The following PKP2 variants were observed in gnomAD, a reference collection of about 807,000 sequenced individuals.
PKP2 encodes plakophilin-2.
In PKP2, 73 loss-of-function variants were observed where a neutral mutation model predicts 83.4. The observed-to-expected ratio is 0.88, with a 90% confidence interval of 0.72 to 1.06. The LOEUF is 1.06. Ranked by LOEUF, PKP2 falls within the 50% of genes least tolerant of loss-of-function variation. PKP2 has a pLI of 0.00. For missense variants in PKP2, 966 were observed against 1,065.4 expected, an observed-to-expected ratio of 0.91 and a Z score of 1.30; for synonymous variants, 409 against 430.4, an observed-to-expected ratio of 0.95 and a Z score of 0.62.
intron 3 of PKP2, among the ~76,000 whole-genome samples, chr12:32,877,575 G>A (rs1027919507): frequency 6.6e-6 from 1 of 152,148 alleles, no homozygotes; most frequent in African/African-American, 2.4e-5. Context: ...CTGAGGGGTA[G>A]GGTCCCTTCA....
At chr12:32,835,046 ATTTCTTTTTTTT>A (rs1427260919) in intron 6 of PKP2, among the ~76,000 whole-genome samples, 1 of 142,908 alleles carries the variant, frequency 7.0e-6, no homozygotes, top group East Asian at 2.0e-4. Context: ...GAAGACAGCC[ATTTCTTTTTTTT>A]TTTCTTTTTT....
At chr12:32,885,847 G>A (rs1237321254) in intron 1 of PKP2, among the ~76,000 whole-genome samples, 1 of 152,162 alleles carries the variant, frequency 6.6e-6, no homozygotes, top group Non-Finnish European at 1.5e-5. Context: ...GTAAGCAAAT[G>A]ACAGAGAACT....
chr12:32,809,571 C>T (rs898130292), intron 9 of PKP2, among the ~76,000 whole-genome samples: 2 of 152,192 alleles, frequency 1.3e-5, no homozygotes, highest in Admixed American at 6.5e-5. Flanking sequence ...GATTCAGCCC[C>T]CTTCCTAGGG....
intron 5 of PKP2, chr12:32,843,341 T>A (rs749524107): frequency 7.3e-7 from 1 of 1,363,660 alleles, no homozygotes; most frequent in Non-Finnish European, 9.8e-7. Flanking sequence ...GAAGCATAGG[T>A]ACTCAGGGCA....
At chr12:32,828,118 C>T (rs1002570302) in intron 6 of PKP2, among the ~76,000 whole-genome samples, 13 of 152,144 alleles carry the variant, frequency 8.5e-5, no homozygotes, top group African/African-American at 2.9e-4. Context: ...TGCTTGATAT[C>T]GGGAAGAATC....
At chr12:32,885,348 T>C (rs1041560996) in intron 1 of PKP2, among the ~76,000 whole-genome samples, 3 of 152,196 alleles carry the variant, frequency 2.0e-5, no homozygotes, top group Non-Finnish European at 4.4e-5. Flanking sequence ...AATGAATTAT[T>C]GTCAGGGTTA....
chr12:32,870,436 C>G (rs1465701091), intron 3 of PKP2, among the ~76,000 whole-genome samples: 2 of 151,892 alleles, frequency 1.3e-5, no homozygotes, highest in African/African-American at 4.8e-5. Context: ...AAAAGTGAAG[C>G]AGAAAATCTC....
chr12:32,821,809 G>T, intron 8 of PKP2: 1 of 392,020 alleles, frequency 2.6e-6, no homozygotes, highest in South Asian at 2.4e-5. Context: ...TTCTAGAATG[G>T]TTTTCAGGCT....
At chr12:32,888,271 A>G (rs1392679250) in intron 1 of PKP2, among the ~76,000 whole-genome samples, 2 of 152,184 alleles carry the variant, frequency 1.3e-5, no homozygotes, top group Non-Finnish European at 2.9e-5. Context: ...AGACTTTAAG[A>G]CTTGTAAGAC....
At chr12:32,855,773 CAAAAAAA>C (rs11431590) in intron 4 of PKP2, among the ~76,000 whole-genome samples, 1 of 46,864 alleles carries the variant, frequency 2.1e-5, no homozygotes, top group African/African-American at 1.1e-4. Context: ...GACTCCATCT[CAAAAAAA>C]AAAAAAAAAA....
In PKP2 at chr12:32,796,269, T is replaced by C. The variant is rs749907181; in HGVS notation, c.2197A>G (p.Ile733Val). 1 of 1,612,596 alleles carries C rather than the reference T, an allele frequency of 6.2e-7. No individual in the cohort carries two copies. Among genetic ancestry groups the C allele is most frequent in the Non-Finnish European group, 8.5e-7 (1 of 1,179,706 alleles). The change falls in exon 11 of 13, where the codon ATC becomes GTC. Residue 733 changes from isoleucine to valine, a missense_variant. By Grantham distance (29) the Ile-to-Val change is conservative. Coordinates refer to ENST00000340811, the MANE Select transcript of PKP2 (RefSeq NM_001005242.3). ...AKETLPDLVSIIPDTVPSTDL... is the reference protein window; with the variant it reads ...AKETLPDLVSVIPDTVPSTDL... ...GTACTCGGGACTGTGTCAGGAATGA[T>C]GGAAACCAAATCAGGGAGAGTTTCT... is the stretch of plus-strand genomic sequence containing the variant.
intron 9 of PKP2, among the ~76,000 whole-genome samples, chr12:32,807,407 G>T (rs1346008394): frequency 6.6e-6 from 1 of 151,854 alleles, no homozygotes; most frequent in African/African-American, 2.4e-5. Context: ...TCTTTATTTT[G>T]AGCCTAAGTG....
At chr12:32,857,725 T>G (rs1956761935) in intron 4 of PKP2, among the ~76,000 whole-genome samples, 2 of 152,068 alleles carry the variant, frequency 1.3e-5, no homozygotes, top group Non-Finnish European at 1.5e-5. Flanking sequence ...TTCATCATTC[T>G]CAAAACCAGT....
At chr12:32,884,473 C>G (rs183270803) in intron 1 of PKP2, among the ~76,000 whole-genome samples, 2 of 152,046 alleles carry the variant, frequency 1.3e-5, no homozygotes, top group Non-Finnish European at 2.9e-5. Flanking sequence ...AATAAATATA[C>G]AGTCTTCCCT....
chr12:32,822,562 A>T lies in PKP2; in HGVS notation c.1744T>A (p.Tyr582Asn), dbSNP rs794729112. The T allele has an allele frequency of 1.9e-6, 3 of 1,614,120 alleles. No individual in the cohort carries two copies. Among genetic ancestry groups the T allele is most frequent in the Non-Finnish European group, 2.5e-6 (3 of 1,179,980 alleles). Residue 582 changes from tyrosine to asparagine, a missense_variant, in exon 8 of 13, where the codon TAT becomes AAT. Transcript: ENST00000340811. ...TTTTGAATATAGATATTCTGGGAAT[A>T]TTTCTCTGGGAGCTCTGCCTCCAGC... Reference protein sequence around the residue: ...YQLEAELPEKYSQNIYIQNRN... With the variant: ...YQLEAELPEKNSQNIYIQNRN...
At chr12:32,867,979 T>A (rs538630639) in intron 4 of PKP2, among the ~76,000 whole-genome samples, 1 of 152,258 alleles carries the variant, frequency 6.6e-6, no homozygotes, top group African/African-American at 2.4e-5. Flanking sequence ...TCAAAACATA[T>A]ATGCACAAAG....
intron 11 of PKP2, among the ~76,000 whole-genome samples, chr12:32,794,602 C>T (rs530533158): frequency 2.0e-5 from 3 of 152,338 alleles, no homozygotes; most frequent in Admixed American, 2.0e-4. Flanking sequence ...TTGCCATGTG[C>T]AACAATTGTT....
intron 4 of PKP2, among the ~76,000 whole-genome samples, chr12:32,866,013 C>G (rs1192459929): frequency 1.3e-5 from 2 of 151,648 alleles, no homozygotes; most frequent in African/African-American, 4.8e-5. Context: ...AAAGCAGAAA[C>G]CATAAAGGGA....
At chr12:32,873,049 C>T (rs567595399) in intron 3 of PKP2, among the ~76,000 whole-genome samples, 1 of 152,320 alleles carries the variant, frequency 6.6e-6, no homozygotes, top group Admixed American at 6.5e-5. Context: ...AAGATCCACC[C>T]TCTCTGCTTA....
Sources: allele counts gnomAD v4.1 joint callset (sites outside exome capture counted in the v4.1 genomes callset), GRCh38; gene constraint gnomAD v4.1.1; transcripts MANE v1.5; gene names NCBI Gene and HGNC (gene_info 2026-07-23, HGNC 2026-07-21).